The following ZBTB40 variants were observed in gnomAD, a reference collection of about 807,000 sequenced individuals.
The protein encoded by ZBTB40 is zinc finger and BTB domain containing 40, also known as zinc finger and BTB domain-containing protein 40.
Under a neutral mutation model 117.5 loss-of-function variants are expected in ZBTB40, and 60 were observed. The ratio of observed to expected loss-of-function variants is 0.51; its 90% CI spans 0.41 to 0.63. The LOEUF (loss-of-function observed/expected upper bound fraction) is 0.63. Ranked by LOEUF, ZBTB40 falls within the 30% of genes least tolerant of loss-of-function variation. The pLI is 0.00. For missense variants in ZBTB40, 1,287 were observed against 1,498.5 expected (o/e 0.86, Z 2.33); for synonymous variants, 525 against 577.1 (o/e 0.91, Z 1.29).
chr1:22,516,497 G>C (rs1639376448), intron 12 of ZBTB40, among the ~76,000 whole-genome samples: 1 of 152,036 alleles, frequency 6.6e-6, no homozygotes, highest in Non-Finnish European at 1.5e-5. Context: ...AGAACGTCAA[G>C]GACTAAGCCC....
intron 1 of ZBTB40, among the ~76,000 whole-genome samples, chr1:22,455,998 A>AC (rs1263295986): frequency 3.3e-5 from 5 of 152,110 alleles, no homozygotes; most frequent in Non-Finnish European, 5.9e-5. Flanking sequence ...GAAGGCAGTG[A>AC]CCCCTCAGCC....
chr1:22,468,643 CTTTTTTTTTTTTTTTT>C (rs71020424), intron 1 of ZBTB40, among the ~76,000 whole-genome samples: 1 of 28,600 alleles, frequency 3.5e-5, no homozygotes, highest in Non-Finnish European at 5.9e-5. Flanking sequence ...GCCTGGCTGG[CTTTTTTTTTTTTTTTT>C]TTTTTTTTTT....
At chr1:22,509,479 T>TG (rs1019081764) in intron 9 of ZBTB40, among the ~76,000 whole-genome samples, 16 of 152,326 alleles carry the variant, frequency 1.1e-4, no homozygotes, top group Non-Finnish European at 2.4e-4. Context: ...CCCAAGTAAC[T>TG]GGGATTACAG....
At position 22,511,260 on chromosome 1, in the gene ZBTB40, C is replaced by A. The variant is rs200307292; in HGVS notation, c.1915C>A (p.Pro639Thr). ...GAGCAGAGCCATGGAAAAATCAGTC[C>A]CGGCCATTGAAATATGCCACCTCCT... ...VLSRAMEKSV[P>T]AIEICHLLCS... is the part of the protein sequence containing the mutation. The change falls in exon 10 of 18, where the codon CCG (proline) becomes ACG (threonine). Residue 639 changes from proline (P) to threonine (T), a missense_variant. Pro to Thr is a conservative substitution (Grantham distance 38). Around this residue, in one of 2 missense-constraint regions of ZBTB40, gnomAD observed 870 missense variants for 934.4 expected, o/e 0.93. Transcript: ENST00000375647. 1.2e-5 allele frequency: 20 copies of A among 1,613,910 alleles called. No individual in the cohort carries two copies. Among genetic ancestry groups the A allele is most frequent in the Middle Eastern group, 1.6e-4 (1 of 6,084 alleles).
chr1:22,524,812 C>T (rs140405321), intron 17 of ZBTB40, among the ~76,000 whole-genome samples: 7 of 152,348 alleles, frequency 4.6e-5, no homozygotes, highest in Admixed American at 3.9e-4. Context: ...TGGAGAGCGC[C>T]TCTGGGCAGG....
intron 1 of ZBTB40, among the ~76,000 whole-genome samples, chr1:22,436,703 A>T (rs1057398440): frequency 9.9e-5 from 15 of 152,208 alleles, no homozygotes; most frequent in African/African-American, 3.4e-4. Context: ...ATACACCTCA[A>T]CTACGTTATG....
intron 1 of ZBTB40, among the ~76,000 whole-genome samples, chr1:22,456,690 A>G (rs1438075314): frequency 3.9e-5 from 6 of 152,168 alleles, no homozygotes; most frequent in African/African-American, 1.4e-4. Flanking sequence ...AAGTCTTTTC[A>G]GGCTTTGTTT....
At chr1:22,429,838 C>CA (rs1295632356) in intron 1 of ZBTB40, among the ~76,000 whole-genome samples, 6 of 151,954 alleles carry the variant, frequency 3.9e-5, no homozygotes, top group Non-Finnish European at 5.9e-5. Context: ...ACTAAAAATA[C>CA]AAAAAAATTA....
At chr1:22,430,991 G>C (rs1640572571) in intron 1 of ZBTB40, among the ~76,000 whole-genome samples, 1 of 151,854 alleles carries the variant, frequency 6.6e-6, no homozygotes, top group Non-Finnish European at 1.5e-5. Context: ...AGAATAATTT[G>C]TATTCTGGGT....
At chr1:22,505,907 A>C in intron 5 of ZBTB40, 142 bp from the exon 6 acceptor site, 1 of 797,382 alleles carries the variant, frequency 1.3e-6, no homozygotes, top group East Asian at 2.6e-5. Flanking sequence ...AAACTATGAA[A>C]AAAAGTAATG....
chr1:22,521,885 CTGAG>C (rs1344959400), intron 15 of ZBTB40, among the ~76,000 whole-genome samples: 1 of 152,188 alleles, frequency 6.6e-6, no homozygotes, highest in Non-Finnish European at 1.5e-5. Context: ...CCCACCAGCC[CTGAG>C]TGAGAGCTTG....
intron 1 of ZBTB40, among the ~76,000 whole-genome samples, chr1:22,484,087 C>A (rs186898138): frequency 6.6e-6 from 1 of 152,194 alleles, no homozygotes. Context: ...TCTGGGCTTT[C>A]TGTTCTGTTC....
At chr1:22,434,533 T>C (rs1401814434) in intron 1 of ZBTB40, among the ~76,000 whole-genome samples, 2 of 152,198 alleles carry the variant, frequency 1.3e-5, no homozygotes, top group African/African-American at 4.8e-5. Flanking sequence ...TGCCCATTTT[T>C]TCCTGGTACT....
chr1:22,479,962 A>G (rs1304559246), intron 1 of ZBTB40, among the ~76,000 whole-genome samples: 1 of 152,112 alleles, frequency 6.6e-6, no homozygotes, highest in Non-Finnish European at 1.5e-5. Context: ...GCTGGAGTGC[A>G]GTAACACCGT....
At chr1:22,523,943 A>C (rs1639606740) in intron 16 of ZBTB40, among the ~76,000 whole-genome samples, 1 of 152,236 alleles carries the variant, frequency 6.6e-6, no homozygotes, top group African/African-American at 2.4e-5. Flanking sequence ...GGGCTTCTGC[A>C]GAGGCAGATT....
At chr1:22,430,244 G>A (rs1640561885) in intron 1 of ZBTB40, among the ~76,000 whole-genome samples, 1 of 152,100 alleles carries the variant, frequency 6.6e-6, no homozygotes, top group Non-Finnish European at 1.5e-5. Context: ...GTAGTTATAA[G>A]TAAAACTGGC....
In ZBTB40 at chr1:22,509,252, G is replaced by C. The variant is rs1557515841; in HGVS notation, c.1833+19G>C. ...GAAAGAGGTGTGGTGGGAATAAAAA[G>C]CGAAATGCCAGAGAGTTTTACAGTT... On this transcript the variant is annotated intron_variant, in intron 9 of 17. Coordinates refer to ENST00000375647, the MANE Select transcript of ZBTB40 (RefSeq NM_014870.4). 7 of 1,614,128 alleles carry C rather than the reference G, an allele frequency of 4.3e-6. No homozygotes were observed. In the East Asian group the frequency reaches 1.6e-4, roughly 36 times the overall value.
chr1:22,457,265 T>C (rs531707687), intron 1 of ZBTB40, among the ~76,000 whole-genome samples: 77 of 152,308 alleles, frequency 5.1e-4, no homozygotes, highest in African/African-American at 1.8e-3. Context: ...AGCTGCTATA[T>C]TGAGGCAAAA....
At chr1:22,430,840 T>C (rs1415501131) in intron 1 of ZBTB40, among the ~76,000 whole-genome samples, 2 of 152,158 alleles carry the variant, frequency 1.3e-5, no homozygotes, top group African/African-American at 4.8e-5. Flanking sequence ...TTTTCAGACA[T>C]ATGAGCTTTT....
Sources: gnomAD v4.1 joint callset for allele counts (sites outside exome capture counted in the v4.1 genomes callset) on GRCh38, gnomAD v4.1.1 for gene constraint, gnomAD v4.1.1 regional missense constraint, MANE v1.5 for transcripts, NCBI Gene and HGNC (gene_info 2026-07-23, HGNC 2026-07-21) for gene names.